Variants in SERPINA12 observed in about 807,000 individuals in gnomAD.
SERPINA12 encodes serpin A12.
In SERPINA12, 21 loss-of-function variants were observed where a neutral mutation model predicts 25.9. That is an observed-to-expected ratio of 0.81 (90% CI 0.58 to 1.17). The LOEUF is 1.17. SERPINA12 is among the 50% of genes most tolerant of loss of function. The pLI, the probability that SERPINA12 is intolerant of heterozygous loss-of-function variation, is 0.00. For missense variants in SERPINA12, 562 were observed against 508.3 expected (o/e 1.11, Z -1.02); for synonymous variants, 220 against 196.0 (o/e 1.12, Z -1.02).
chr14:94,513,403 G>A (rs558822213), upstream of SERPINA12, among the ~76,000 whole-genome samples: 4 of 152,298 alleles, frequency 2.6e-5, no homozygotes, highest in South Asian at 4.1e-4. Context: ...GAAGCAGAGC[G>A]GGAGGACCTG....
Position 94,496,370 on chromosome 14 carries a change from T to C in SERPINA12, c.905+3A>G, listed in dbSNP as rs748230187. 7 of 1,614,186 alleles carry C rather than the reference T, an allele frequency of 4.3e-6. No individual in the cohort carries two copies. In the South Asian group the frequency reaches 6.6e-5, roughly 15 times the overall value. On this transcript the variant is annotated splice_donor_region_variant and intron_variant, in intron 3 of 4. Coordinates refer to ENST00000677451, the MANE Select transcript of SERPINA12 (RefSeq NM_001382267.1). ...AGCTGCGAGGGCTAGGCACCCACTTTACCTGCGTGACAGTAATGTTTTCCA... is the reference window on the plus strand; with the variant it reads ...AGCTGCGAGGGCTAGGCACCCACTTCACCTGCGTGACAGTAATGTTTTCCA...
Position 94,509,347 on chromosome 14 carries a change from C to A in SERPINA12, c.-39G>T, listed in dbSNP as rs1264912280. 6.7e-6 allele frequency among the ~76,000 whole-genome samples: 1 copy of A among 150,262 alleles called. No homozygotes were observed. The highest frequency in any genetic ancestry group is 2.4e-5 in the African/African-American group (1 of 40,886). On this transcript the variant is annotated 5_prime_UTR_variant, in exon 1 of 5. It adds an upstream start codon to the 5' untranslated region. Coordinates refer to ENST00000677451, the MANE Select transcript of SERPINA12 (RefSeq NM_001382267.1). ...ACACTGCCCCTTGGACTAACCTCAC[C>A]TCCCCAGTTTCTCCTTTCCCCTCAG... is the stretch of plus-strand genomic sequence containing the variant.
At chr14:94,510,551 A>T (rs533083869), upstream of SERPINA12, among the ~76,000 whole-genome samples, 16 of 152,312 alleles carry the variant, frequency 1.1e-4, no homozygotes, top group South Asian at 2.7e-3. Flanking sequence ...CAGTATGGAG[A>T]TTCCTTAAGG....
chr14:94,491,753 G>T (rs547707875), intron 3 of SERPINA12, among the ~76,000 whole-genome samples: 1 of 152,148 alleles, frequency 6.6e-6, no homozygotes, highest in Non-Finnish European at 1.5e-5. Context: ...GGCTTGGGGA[G>T]GTTCTCTGGG....
chr14:94,506,063 G>A (rs1343979992), intron 1 of SERPINA12, among the ~76,000 whole-genome samples: 1 of 152,224 alleles, frequency 6.6e-6, no homozygotes, highest in East Asian at 1.9e-4. Context: ...CCGACTGCCT[G>A]TAGTTAAGAT....
intron 1 of SERPINA12, among the ~76,000 whole-genome samples, chr14:94,501,861 C>A (rs1298111216): frequency 6.6e-6 from 1 of 152,136 alleles, no homozygotes; most frequent in Non-Finnish European, 1.5e-5. Context: ...CATCTGTCAT[C>A]ACGGGCTTTA....
chr14:94,496,755 C>T (rs758815751), intron 2 of SERPINA12, 112 bp from the exon 3 acceptor site: 46 of 898,326 alleles, frequency 5.1e-5, no homozygotes, highest in Middle Eastern at 2.4e-4. Context: ...GGGGATATTC[C>T]GGGATATCAG....
At chr14:94,511,489 G>T, upstream of SERPINA12, 1 of 985,476 alleles carries the variant, frequency 1.0e-6, no homozygotes, top group African/African-American at 1.7e-5. Flanking sequence ...GGAACTGTCT[G>T]CATGCCTCAC....
In SERPINA12 at chr14:94,498,240, A is replaced by C. The variant is rs770806800; in HGVS notation, c.158T>G (p.Met53Arg). The change falls in exon 2 of 5, where the codon ATG becomes AGG. Residue 53 changes from methionine to arginine, a missense_variant. Physicochemically the swap from Met to Arg is moderately conservative, Grantham distance 91 (BLOSUM62 -1). Coordinates refer to ENST00000677451, the MANE Select transcript of SERPINA12 (RefSeq NM_001382267.1). ...MAAKELARQN[M>R]DLGFKLLKKL... ...CTTGAGCAGCTTAAAGCCTAAGTCCATGTTCTGCCTTGCAAGCTCCTTGGC... is the reference window on the plus strand; with the variant it reads ...CTTGAGCAGCTTAAAGCCTAAGTCCCTGTTCTGCCTTGCAAGCTCCTTGGC... 6.2e-7 allele frequency: 1 copy of C among 1,614,182 alleles called. No homozygotes were observed. Among genetic ancestry groups the C allele is most frequent in the Non-Finnish European group, 8.5e-7 (1 of 1,180,038 alleles).
At chr14:94,512,398 T>C (rs1901134273), upstream of SERPINA12, among the ~76,000 whole-genome samples, 2 of 152,218 alleles carry the variant, frequency 1.3e-5, no homozygotes, top group African/African-American at 4.8e-5. Flanking sequence ...ATCAGATTGT[T>C]AGCAGTGCTA....
chr14:94,489,504 G>T (rs11160186), intron 4 of SERPINA12, 116 bp downstream of exon 4: 3 of 1,226,660 alleles, frequency 2.4e-6, no homozygotes, highest in South Asian at 1.5e-5. Flanking sequence ...ATTCATGCCC[G>T]CCCCGACTGG....
intron 4 of SERPINA12, among the ~76,000 whole-genome samples, 187 bp downstream of exon 4, chr14:94,489,433 G>A (rs1281824780): frequency 6.6e-6 from 1 of 152,218 alleles, no homozygotes; most frequent in African/African-American, 2.4e-5. Context: ...CTGGAAGCAT[G>A]AGGCTGGGGG....
chr14:94,501,466 G>T (rs1316895201), intron 1 of SERPINA12, among the ~76,000 whole-genome samples: 1 of 152,226 alleles, frequency 6.6e-6, no homozygotes, highest in Non-Finnish European at 1.5e-5. Flanking sequence ...TCAAGTTTCA[G>T]AAACAAGAAC....
chr14:94,497,648 G>C, intron 2 of SERPINA12, 116 bp downstream of exon 2: 1 of 933,184 alleles, frequency 1.1e-6, no homozygotes, highest in South Asian at 1.7e-5. Flanking sequence ...GAGGTTTTGA[G>C]AGATAAATCA....
Position 94,487,485 on chromosome 14 carries a change from T to C in SERPINA12, c.1063A>G (p.Lys355Glu), listed in dbSNP as rs1470474112. The C allele has an allele frequency of 1.2e-6, 2 of 1,611,394 alleles. No homozygotes were observed. Among genetic ancestry groups the C allele is most frequent in the Admixed American group, 3.4e-5 (2 of 59,542 alleles). Residue 355 changes from lysine (K) to glutamate (E), a missense_variant, in exon 5 of 5, where the codon AAG becomes GAG. By Grantham distance (56) the Lys-to-Glu change is moderately conservative (BLOSUM62 1). Coordinates refer to ENST00000677451, the MANE Select transcript of SERPINA12 (RefSeq NM_001382267.1). ...CTCTCATCCATCTTCAGCTCAGCCT[T>C]GTGCACAGCCTACGGAAGCCAAGGG... ...RSLKVGEAVH[K>E]AELKMDERGT...
chr14:94,499,143 T>C (rs1334881105), intron 1 of SERPINA12, among the ~76,000 whole-genome samples: 1 of 152,208 alleles, frequency 6.6e-6, no homozygotes, highest in Admixed American at 6.5e-5. Context: ...GAATTATGAC[T>C]AATTTACAGA....
intron 2 of SERPINA12, among the ~76,000 whole-genome samples, chr14:94,514,688 A>T (rs1901189745): frequency 6.6e-6 from 1 of 152,162 alleles, no homozygotes; most frequent in Admixed American, 6.5e-5. Flanking sequence ...GGTCTGGGCC[A>T]TGTCCCAGAT....
At chr14:94,505,735 T>G (rs1900907152) in intron 1 of SERPINA12, among the ~76,000 whole-genome samples, 1 of 152,182 alleles carries the variant, frequency 6.6e-6, no homozygotes, top group African/African-American at 2.4e-5. Context: ...AGACACTCTC[T>G]GCTCCAGGGT....
chr14:94,505,510 G>A (rs1188561506), intron 1 of SERPINA12, among the ~76,000 whole-genome samples: 1 of 152,192 alleles, frequency 6.6e-6, no homozygotes, highest in East Asian at 1.9e-4. Flanking sequence ...GGTCACCAAG[G>A]GGTTGCAGAG....
Sources: gnomAD v4.1 joint callset for allele counts (sites outside exome capture counted in the v4.1 genomes callset) on GRCh38, gnomAD v4.1.1 for gene constraint, MANE v1.5 for transcripts, NCBI Gene and HGNC (gene_info 2026-07-23, HGNC 2026-07-21) for gene names.